ALG1L2: variants seen among roughly 807,000 people sequenced by gnomAD.
ALG1L2 encodes the protein ALG1 chitobiosyldiphosphodolichol beta-mannosyltransferase like 2.
ALG1L2 carries 32 observed loss-of-function variants against 29.0 expected under a neutral mutation model. That is an observed-to-expected ratio of 1.10 (90% CI 0.83 to 1.48). The LOEUF is 1.48. Ranked by LOEUF, ALG1L2 falls within the 40% of genes most tolerant of loss-of-function variation. The pLI is 0.00. For synonymous variants in ALG1L2, 110 were observed against 109.5 expected (o/e 1.00, Z -0.03); for missense variants, 318 against 274.1 (o/e 1.16, Z -1.13).
In ALG1L2 at chr3:130,084,584, A is replaced by C. The variant is rs184597334; in HGVS notation, c.20+2548A>C. Among the ~76,000 whole-genome samples the C allele has an allele frequency of 2.0e-4, 27 of 131,712 alleles. 3 individuals are homozygous for C. In the East Asian group the frequency reaches 5.2e-3, roughly 25 times the overall value. The allele number at this position is 131,712 out of a possible 152,430, so 86.4% of individuals were successfully genotyped here. A position where few individuals can be genotyped will look rare whatever the true frequency, so the allele number is the denominator to read the frequency against. On this transcript the variant is annotated intron_variant, in intron 1 of 7. Coordinates refer to ENST00000425059, the MANE Select transcript of ALG1L2 (RefSeq NM_001136152.1). The stretch of plus-strand genomic sequence containing the variant: ...GGCGGTAGTGGTGAAGATTAAATGA[A>C]GAGTTTATACGGGAAGGGCTCAGAA...
Position 130,082,447 on chromosome 3 carries a change from C to A in ALG1L2, c.20+411C>A, listed in dbSNP as rs1470712938. 1.5e-5 allele frequency among the ~76,000 whole-genome samples: 2 copies of A among 133,270 alleles called. 1 individual carries two copies. The highest frequency in any genetic ancestry group is 3.5e-5 in the Non-Finnish European group (2 of 57,282). The allele number at this position is 133,270 out of a possible 152,430, so 87.4% of individuals were successfully genotyped here. A position where few individuals can be genotyped will look rare whatever the true frequency, so the allele number is the denominator to read the frequency against. On this transcript the variant is annotated intron_variant, in intron 1 of 7. Coordinates refer to ENST00000425059, the MANE Select transcript of ALG1L2 (RefSeq NM_001136152.1). ...CCACCTCCCAGACTCAAGTGATTCT[C>A]CTGCCTCAGCCTCCCAAGTAGCTGG...
chr3:130,091,892 T>C (rs1229598476), intron 2 of ALG1L2: 3 of 810,234 alleles, frequency 3.7e-6, no homozygotes, highest in Admixed American at 4.4e-5. Flanking sequence ...AATTAGTCAG[T>C]CTTGTTTGCT....
intron 7 of ALG1L2, 76 bp from the exon 8 acceptor site, chr3:130,098,147 T>C: frequency 1.3e-6 from 2 of 1,581,980 alleles, no homozygotes; most frequent in Non-Finnish European, 1.7e-6. Flanking sequence ...TGTTGTTGGG[T>C]CGGGGAGCTG....
In ALG1L2 at chr3:130,096,266, G is replaced by A. The variant is rs113704908; in HGVS notation, c.539+103G>A. 6,977 of 1,352,388 alleles carry A rather than the reference G, an allele frequency of 5.2e-3. 188 individuals carry two copies. The African/African-American group carries it at 0.08, about 16-fold the overall frequency. 83.8% of individuals were successfully genotyped at this position (1,352,388 alleles called of 1,614,324 possible). A position where few individuals can be genotyped will look rare whatever the true frequency, so the allele number is the denominator to read the frequency against. On this transcript the variant is annotated intron_variant, in intron 6 of 7. Transcript: ENST00000425059. ...TGCCCACAGTGAGGCCCTGCCCCTC[G>A]GTCAGTCCAGCACACACTGGAGGCC...
chr3:130,097,072 C>G, intron 6 of ALG1L2, 103 bp from the exon 7 acceptor site: 3 of 1,541,546 alleles, frequency 1.9e-6, no homozygotes, highest in African/African-American at 1.4e-5. Context: ...GTTCCAACCC[C>G]CAGCCTGGCT....
At chr3:130,090,850 C>A in intron 1 of ALG1L2, 1 of 192,230 alleles carries the variant, frequency 5.2e-6, no homozygotes, top group Non-Finnish European at 1.1e-5. Context: ...GATTGGTTCT[C>A]AGGTGTCTAA....
At chr3:130,095,409 T>TTTA (rs869099473) in intron 5 of ALG1L2, among the ~76,000 whole-genome samples, 14,812 of 120,820 alleles carry the variant, frequency 0.12, 958 homozygotes, top group African/African-American at 0.19. Context: ...TGTGCTGTGG[T>TTTA]TTATTATTAT....
chr3:130,096,276 G>C (rs1381842924), intron 6 of ALG1L2, 113 bp downstream of exon 6: 1 of 1,212,364 alleles, frequency 8.2e-7, no homozygotes, highest in Non-Finnish European at 1.2e-6. Context: ...GGTCAGTCCA[G>C]CACACACTGG....
intron 5 of ALG1L2, among the ~76,000 whole-genome samples, chr3:130,095,219 C>T (rs1332675411): frequency 1.3e-5 from 2 of 152,042 alleles, no homozygotes; most frequent in African/African-American, 4.8e-5. Flanking sequence ...TTAGTAGAGA[C>T]AGGGTTTCAC....
At chr3:130,084,964 A>G (rs1383346659) in intron 1 of ALG1L2, among the ~76,000 whole-genome samples, 4 of 126,312 alleles carry the variant, frequency 3.2e-5, no homozygotes, top group African/African-American at 1.1e-4. Flanking sequence ...TTATTTATTT[A>G]TTTATTTATT....
intron 2 of ALG1L2, 107 bp downstream of exon 2, chr3:130,091,478 A>G: frequency 1.4e-5 from 17 of 1,178,102 alleles, no homozygotes; most frequent in Non-Finnish European, 2.1e-5. Flanking sequence ...TTGGCAAACT[A>G]AGGCTACAGG....
At chr3:130,095,148 C>T (rs899325006) in intron 5 of ALG1L2, among the ~76,000 whole-genome samples, 1 of 152,134 alleles carries the variant, frequency 6.6e-6, no homozygotes, top group Non-Finnish European at 1.5e-5. Context: ...CCACCTCAGC[C>T]TCCCGAGTAG....
intron 4 of ALG1L2, chr3:130,094,045 G>C: frequency 1.0e-5 from 3 of 298,988 alleles, no homozygotes; most frequent in Non-Finnish European, 2.0e-5. Flanking sequence ...CTGTGGTTTG[G>C]GGGCTGTGCC....
Position 130,095,459 on chromosome 3 carries a change from G to A in ALG1L2, c.425-590G>A, listed in dbSNP as rs1388804993. Among the ~76,000 whole-genome samples the A allele has an allele frequency of 4.0e-5, 6 of 149,812 alleles. No individual in the cohort carries two copies. In the East Asian group the frequency reaches 9.8e-4, roughly 24 times the overall value. Reference sequence around the variant, plus strand: ...TTATTATTATTATTATTTTGAGACGGAGTTTCGCTCCTGTAGCACAGGCTG... The same window carrying A: ...TTATTATTATTATTATTTTGAGACGAAGTTTCGCTCCTGTAGCACAGGCTG... On this transcript the variant is annotated intron_variant, in intron 5 of 7. Coordinates refer to ENST00000425059, the MANE Select transcript of ALG1L2 (RefSeq NM_001136152.1).
rs979738850 is a variant in ALG1L2, at chr3:130,097,257, A to C, written c.615+7A>C. 10 of 1,607,094 alleles carry C rather than the reference A, an allele frequency of 6.2e-6. No homozygotes were observed. The highest frequency in any genetic ancestry group is 2.2e-5 in the East Asian group (1 of 44,898). On this transcript the variant is annotated splice_region_variant and intron_variant, in intron 7 of 7. Coordinates refer to ENST00000425059, the MANE Select transcript of ALG1L2 (RefSeq NM_001136152.1). ...ACTGGCAGCTCAGCTGCAGGTAGCC[A>C]TGTCTGCCACCACGCCAGGGTGGAC...
intron 1 of ALG1L2, among the ~76,000 whole-genome samples, chr3:130,089,743 T>G (rs1264959026): frequency 6.6e-6 from 1 of 152,308 alleles, no homozygotes; most frequent in Non-Finnish European, 1.5e-5. Flanking sequence ...ATAATTTTAT[T>G]AAAATTAAAT....
At chr3:130,094,985 C>T (rs1008793643) in intron 5 of ALG1L2, among the ~76,000 whole-genome samples, 25 of 152,318 alleles carry the variant, frequency 1.6e-4, no homozygotes, top group African/African-American at 6.0e-4. Context: ...CATCTTCCAG[C>T]TTCGAGTGAG....
rs573902032 is a variant in ALG1L2 at position 130,096,230 on chromosome 3, G to A, written c.539+67G>A. Reference sequence around the variant, plus strand: ...GATCCACCGCTGAGGGGGAAGCAGTGCAGAGTGAGCTGCCCACAGTGAGGC... The same window carrying A: ...GATCCACCGCTGAGGGGGAAGCAGTACAGAGTGAGCTGCCCACAGTGAGGC... On this transcript the variant is annotated intron_variant, in intron 6 of 7. Transcript: ENST00000425059. 1,279 of 1,555,708 alleles carry A rather than the reference G, an allele frequency of 8.2e-4. 3 individuals are homozygous for A. The highest frequency in any genetic ancestry group is 1.0e-3 in the Non-Finnish European group (1,142 of 1,143,408).
At chr3:130,093,492 T>A (rs1051644938) in intron 4 of ALG1L2, among the ~76,000 whole-genome samples, 1 of 150,688 alleles carries the variant, frequency 6.6e-6, no homozygotes, top group African/African-American at 2.4e-5. Flanking sequence ...AGTGGTGCGA[T>A]CTCAGCTCAC....
Sources: gnomAD v4.1 joint callset for allele counts (sites outside exome capture counted in the v4.1 genomes callset) on GRCh38, gnomAD v4.1.1 for gene constraint, MANE v1.5 for transcripts, NCBI Gene and HGNC (gene_info 2026-07-23, HGNC 2026-07-21) for gene names.